The following TCF7L2 variants were observed in gnomAD, a reference collection of about 807,000 sequenced individuals.
TCF7L2 encodes the protein transcription factor 7-like 2.
In TCF7L2, 23 loss-of-function variants were observed where a neutral mutation model predicts 77.9. The ratio of observed to expected loss-of-function variants is 0.30; its 90% CI spans 0.21 to 0.42. The LOEUF (loss-of-function observed/expected upper bound fraction) is 0.42. Among genes scored for constraint, TCF7L2 ranks in the 10% least tolerant of loss-of-function variants. The probability of loss-of-function intolerance (pLI) is 1.00; values close to 1 mark genes in which losing one functional copy is unlikely to be tolerated. For missense variants in TCF7L2, 654 were observed against 793.1 expected, an observed-to-expected ratio of 0.82 and a Z score of 2.11; for synonymous variants, 413 against 340.2, an observed-to-expected ratio of 1.21 and a Z score of -2.36.
intron 5 of TCF7L2, among the ~76,000 whole-genome samples, chr10:113,101,711 C>T (rs1487380652): frequency 2.0e-5 from 3 of 148,886 alleles, no homozygotes; most frequent in Admixed American, 6.7e-5. Context: ...GGCATGGTGG[C>T]GGCCGCCTGT....
chr10:113,139,900 C>G (rs1312574805), intron 5 of TCF7L2, among the ~76,000 whole-genome samples: 1 of 151,622 alleles, frequency 6.6e-6, no homozygotes, highest in African/African-American at 2.4e-5. Context: ...CACTAGTGGG[C>G]AGCACTAGGA....
chr10:113,007,539 G>T (rs1302583784), intron 4 of TCF7L2, among the ~76,000 whole-genome samples: 1 of 152,254 alleles, frequency 6.6e-6, no homozygotes, highest in Non-Finnish European at 1.5e-5. Context: ...CAACGTTCAA[G>T]TTAATAGCTT....
intron 5 of TCF7L2, among the ~76,000 whole-genome samples, chr10:113,042,419 G>A (rs941271171): frequency 3.3e-5 from 5 of 152,322 alleles, no homozygotes; most frequent in African/African-American, 9.6e-5. Flanking sequence ...TGCCTAGAGG[G>A]GATGGGCTGG....
intron 4 of TCF7L2, among the ~76,000 whole-genome samples, chr10:113,006,639 G>A (rs1434409903): frequency 6.6e-6 from 1 of 152,228 alleles, no homozygotes; most frequent in Non-Finnish European, 1.5e-5. Context: ...AACTACTTCT[G>A]ATTCCTATAG....
intron 4 of TCF7L2, among the ~76,000 whole-genome samples, chr10:113,016,801 C>G (rs898943982): frequency 5.9e-5 from 9 of 152,094 alleles, no homozygotes; most frequent in Non-Finnish European, 1.3e-4. Flanking sequence ...CCTGCACCCG[C>G]CAGCTAATCA....
intron 5 of TCF7L2, among the ~76,000 whole-genome samples, chr10:113,135,228 T>C (rs138068044): frequency 3.2e-4 from 48 of 152,316 alleles, no homozygotes; most frequent in African/African-American, 9.9e-4. Context: ...CATGGCCAAG[T>C]TGCAGAGCGC....
chr10:113,118,725 G>T (rs796438574), intron 5 of TCF7L2, among the ~76,000 whole-genome samples: 2 of 147,784 alleles, frequency 1.4e-5, no homozygotes, highest in South Asian at 4.4e-4. Context: ...CTATTTGATA[G>T]TAAGTGTGGT....
chr10:113,008,686 T>C (rs948787812), intron 4 of TCF7L2, among the ~76,000 whole-genome samples: 65 of 152,340 alleles, frequency 4.3e-4, no homozygotes, highest in African/African-American at 1.5e-3. Context: ...TACACATTAG[T>C]ATAATCCCGT....
chr10:113,144,838 A>G (rs1564958293), intron 7 of TCF7L2, among the ~76,000 whole-genome samples: 1 of 152,202 alleles, frequency 6.6e-6, no homozygotes, highest in Non-Finnish European at 1.5e-5. Flanking sequence ...ATGCATTAGC[A>G]TACTGTGGCA....
chr10:113,103,869 G>A (rs1167403859), intron 5 of TCF7L2, among the ~76,000 whole-genome samples: 2 of 152,070 alleles, frequency 1.3e-5, no homozygotes, highest in Non-Finnish European at 2.9e-5. Context: ...TATGGACAGA[G>A]TCACTGAGGC....
At chr10:113,134,554 T>A (rs2067120041) in intron 5 of TCF7L2, among the ~76,000 whole-genome samples, 1 of 152,218 alleles carries the variant, frequency 6.6e-6, no homozygotes. Context: ...CAAAGGGTAG[T>A]TGATGGATAA....
At chr10:112,966,770 T>C (rs115352740) in intron 4 of TCF7L2, among the ~76,000 whole-genome samples, 3,626 of 152,284 alleles carry the variant, frequency 0.024, 140 homozygotes, top group African/African-American at 0.079. Flanking sequence ...GTGCAGGCCA[T>C]GTGAAGCTCT....
Position 113,015,046 on chromosome 10 carries a change from C to G in TCF7L2, c.451-24979C>G, listed in dbSNP as rs547087514. Among the ~76,000 whole-genome samples the G allele has an allele frequency of 2.6e-5, 4 of 152,034 alleles. No individual in the cohort carries two copies. In the East Asian group the frequency reaches 7.8e-4, roughly 30 times the overall value. On this transcript the variant is annotated intron_variant, in intron 4 of 13. Transcript: ENST00000627217. ...ACTAAAAATACAAAAATTAGCTGGG[C>G]GTGGTAGCGGACGCCTGTAAGCCCA...
At position 112,978,553 on chromosome 10, in the gene TCF7L2, C is replaced by A. The variant is rs546730663; in HGVS notation, c.450+13929C>A. 4.3e-4 allele frequency among the ~76,000 whole-genome samples: 65 copies of A among 151,576 alleles called. 2 individuals carry two copies. The South Asian group carries it at 0.013, about 30-fold the overall frequency. ...CGATCTCGGCTCAGTGCAAGCTCTG[C>A]CTCCTGGGTTCATGCGATTCTCCTG... On this transcript the variant is annotated intron_variant, in intron 4 of 13. Coordinates refer to ENST00000627217, the MANE Select transcript of TCF7L2 (RefSeq NM_001146274.2).
At chr10:113,129,636 A>G (rs2066240758) in intron 5 of TCF7L2, 1 of 1,175,550 alleles carries the variant, frequency 8.5e-7, no homozygotes, top group South Asian at 1.7e-5. Flanking sequence ...TATGAGCGAC[A>G]ACTTTGAGCA....
intron 13 of TCF7L2, among the ~76,000 whole-genome samples, chr10:113,164,283 G>A (rs1450334111): frequency 2.0e-5 from 3 of 152,180 alleles, no homozygotes; most frequent in African/African-American, 7.2e-5. Flanking sequence ...AGCAAGAAGG[G>A]CTCTGAAATT....
At position 113,152,498 on chromosome 10, in the gene TCF7L2, C is replaced by T. The variant is rs114588457; in HGVS notation, c.1269+58C>T. On this transcript the variant is annotated intron_variant, in intron 11 of 13. Transcript: ENST00000627217. ...TGTAGAGCTGTGTTGTGCGTCTATACGGACAAAGAGAACAGGACCTGCCAC... is the reference window on the plus strand; with the variant it reads ...TGTAGAGCTGTGTTGTGCGTCTATATGGACAAAGAGAACAGGACCTGCCAC... 3,831 of 1,442,588 alleles carry T rather than the reference C, an allele frequency of 2.7e-3. 90 individuals are homozygous for T. In the African/African-American group the frequency reaches 0.047, roughly 18 times the overall value. 89.4% of individuals were successfully genotyped at this position (1,442,588 alleles called of 1,614,324 possible).
At chr10:113,010,999 C>A (rs980288800) in intron 4 of TCF7L2, among the ~76,000 whole-genome samples, 1 of 151,938 alleles carries the variant, frequency 6.6e-6, no homozygotes, top group Admixed American at 6.6e-5. Flanking sequence ...AGAGTGAGAT[C>A]CTGTCTCAAA....
At chr10:112,978,898 T>C (rs988737253) in intron 4 of TCF7L2, among the ~76,000 whole-genome samples, 2 of 152,174 alleles carry the variant, frequency 1.3e-5, no homozygotes, top group African/African-American at 4.8e-5. Flanking sequence ...TTGTTACATA[T>C]GTATACATGT....
Sources: allele counts gnomAD v4.1 joint callset (sites outside exome capture counted in the v4.1 genomes callset), GRCh38; gene constraint gnomAD v4.1.1; transcripts MANE v1.5; gene names NCBI Gene and HGNC (gene_info 2026-07-23, HGNC 2026-07-21).